The following THEM4 variants were observed in gnomAD, a reference collection of about 807,000 sequenced individuals.
THEM4 encodes thioesterase superfamily member 4.
In THEM4, 22 loss-of-function variants were observed where a neutral mutation model predicts 25.0. That is an observed-to-expected ratio of 0.88 (90% CI 0.63 to 1.26). The LOEUF (loss-of-function observed/expected upper bound fraction) is 1.26, where lower values mean the gene tolerates loss of function less well. Among genes scored for constraint, THEM4 ranks in the 50% most tolerant of loss-of-function variants. The pLI is 0.00. For missense variants in THEM4, 286 were observed against 300.3 expected, an observed-to-expected ratio of 0.95 and a Z score of 0.35; for synonymous variants, 113 against 105.6, an observed-to-expected ratio of 1.07 and a Z score of -0.43.
rs1653578689 is a variant in THEM4, at chr1:151,872,644, T to TA, written c.*2243_*2244insT. The stretch of plus-strand genomic sequence containing the variant: ...ATCTGTAACTTTAGCCCCAACCCTG[T>TA]GCTTACAGAAACATGTGCTGTATGG... On this transcript the variant is annotated 3_prime_UTR_variant, in exon 6 of 6. Coordinates refer to ENST00000368814, the MANE Select transcript of THEM4 (RefSeq NM_053055.5). Among the ~76,000 whole-genome samples, 1 of 152,160 alleles carries TA rather than the reference T, an allele frequency of 6.6e-6. No homozygotes were observed. The highest frequency in any genetic ancestry group is 1.5e-5 in the Non-Finnish European group (1 of 68,018).
chr1:151,897,877 T>C (rs1246160461), intron 1 of THEM4, among the ~76,000 whole-genome samples: 1 of 149,444 alleles, frequency 6.7e-6, no homozygotes, highest in Non-Finnish European at 1.5e-5. Flanking sequence ...TGGAGCTGAG[T>C]CAAGTTAGAG....
At chr1:151,890,366 A>C (rs893674682) in intron 2 of THEM4, 2 of 247,856 alleles carry the variant, frequency 8.1e-6, no homozygotes, top group African/African-American at 4.5e-5. Context: ...CTTCAAAATA[A>C]AGATTGAAAG....
At chr1:151,907,479 G>A (rs934853144) in intron 1 of THEM4, among the ~76,000 whole-genome samples, 6 of 152,240 alleles carry the variant, frequency 3.9e-5, no homozygotes, top group South Asian at 2.1e-4. Context: ...TATGCTTCAC[G>A]CCACTGTAAG....
intron 1 of THEM4, among the ~76,000 whole-genome samples, chr1:151,906,023 C>T (rs955634967): frequency 1.3e-5 from 2 of 152,268 alleles, no homozygotes; most frequent in African/African-American, 2.4e-5. Flanking sequence ...TGCCTGGGCT[C>T]CCACTTTGGC....
At chr1:151,893,484 C>G (rs1467069118) in intron 2 of THEM4, among the ~76,000 whole-genome samples, 1 of 151,500 alleles carries the variant, frequency 6.6e-6, no homozygotes, top group Non-Finnish European at 1.5e-5. Context: ...TGTTTATATG[C>G]TGATACGAAA....
At chr1:151,891,152 T>A (rs1654083813) in intron 2 of THEM4, 1 of 152,232 alleles carries the variant, frequency 6.6e-6, no homozygotes, top group African/African-American at 2.4e-5. Context: ...CTTCTGACCT[T>A]CTGAAGCAGA....
At chr1:151,904,140 C>T (rs545621329) in intron 1 of THEM4, among the ~76,000 whole-genome samples, 27 of 152,126 alleles carry the variant, frequency 1.8e-4, no homozygotes, top group East Asian at 5.8e-4. Context: ...CTGCTCCAAG[C>T]GAAGGCATAG....
chr1:151,895,813 T>C (rs1654209873), intron 1 of THEM4, among the ~76,000 whole-genome samples: 3 of 152,074 alleles, frequency 2.0e-5, no homozygotes, highest in African/African-American at 7.2e-5. Flanking sequence ...GAATTTCTCA[T>C]GGACGGTTTA....
intron 4 of THEM4, among the ~76,000 whole-genome samples, chr1:151,883,206 G>A (rs1308046550): frequency 1.3e-5 from 2 of 151,610 alleles, no homozygotes; most frequent in Non-Finnish European, 2.9e-5. Flanking sequence ...CAACTCTCAG[G>A]TTCAAGCAAT....
At chr1:151,887,464 T>TA (rs1298882592) in intron 4 of THEM4, among the ~76,000 whole-genome samples, 2 of 150,956 alleles carry the variant, frequency 1.3e-5, no homozygotes, top group South Asian at 2.1e-4. Flanking sequence ...AAATTAAAAA[T>TA]AAAAAAATCA....
At chr1:151,885,266 G>A (rs974199043) in intron 4 of THEM4, among the ~76,000 whole-genome samples, 7 of 152,134 alleles carry the variant, frequency 4.6e-5, no homozygotes, top group African/African-American at 1.2e-4. Context: ...TTACAGGCAC[G>A]TGCCACCACA....
intron 5 of THEM4, 108 bp downstream of exon 5, chr1:151,876,893 A>C: frequency 1.5e-6 from 2 of 1,373,772 alleles, no homozygotes; most frequent in Non-Finnish European, 2.0e-6. Flanking sequence ...CCAAACCAAA[A>C]CACCCCCCTG....
At chr1:151,885,366 G>A (rs983729484) in intron 4 of THEM4, among the ~76,000 whole-genome samples, 3 of 150,758 alleles carry the variant, frequency 2.0e-5, no homozygotes, top group Admixed American at 6.6e-5. Context: ...TGATCCACCC[G>A]CCTTGGCCTC....
chr1:151,874,148 C>T lies in THEM4; in HGVS notation c.*740G>A, dbSNP rs1653616028. The T allele has an allele frequency of 6.6e-6, 1 of 152,168 alleles. No homozygotes were observed. Among genetic ancestry groups the T allele is most frequent in the Non-Finnish European group, 1.5e-5 (1 of 68,032 alleles). 9.4% of individuals were successfully genotyped at this position (152,168 alleles called of 1,614,324 possible). A position where few individuals can be genotyped will look rare whatever the true frequency, so the allele number is the denominator to read the frequency against. The stretch of plus-strand genomic sequence containing the variant: ...GATCTGGCTGTGCTTCCTACACTGA[C>T]CAAAAAAGATTCATGTGTTCAGATA... On this transcript the variant is annotated 3_prime_UTR_variant, in exon 6 of 6. Transcript: ENST00000368814.
rs11304399 is a variant in THEM4 at position 151,871,325 on chromosome 1, G to GA, written c.*3562dup. Reference sequence around the variant, plus strand: ...AGGCGACAGAGCCAGACCCTGTCTTGAAAAAAAAAAAAAAAAAAGAAAAAG... The same window carrying GA: ...AGGCGACAGAGCCAGACCCTGTCTTGAAAAAAAAAAAAAAAAAAAGAAAAAG... On this transcript the variant is annotated 3_prime_UTR_variant, in exon 6 of 6. Coordinates refer to ENST00000368814, the MANE Select transcript of THEM4 (RefSeq NM_053055.5). Among the ~76,000 whole-genome samples the GA allele has an allele frequency of 0.027, 3,321 of 123,646 alleles. 148 individuals carry two copies. Among genetic ancestry groups the GA allele is most frequent in the African/African-American group, 0.095 (3,076 of 32,414 alleles). The allele number at this position is 123,646 out of a possible 152,430, so 81.1% of individuals were successfully genotyped here. A position where few individuals can be genotyped will look rare whatever the true frequency, so the allele number is the denominator to read the frequency against.
chr1:151,900,069 G>A (rs1654318476), intron 1 of THEM4, among the ~76,000 whole-genome samples: 1 of 152,090 alleles, frequency 6.6e-6, no homozygotes, highest in African/African-American at 2.4e-5. Context: ...TATCATATAT[G>A]AACGAAAGAT....
chr1:151,894,412 C>G (rs757179958), intron 2 of THEM4, among the ~76,000 whole-genome samples: 5 of 152,114 alleles, frequency 3.3e-5, no homozygotes, highest in South Asian at 4.2e-4. Context: ...GTAACAAATA[C>G]ACCACAGTAA....
Position 151,895,102 on chromosome 1 carries a change from A to C in THEM4, c.192T>G (p.Phe64Leu), listed in dbSNP as rs1654193004. ...NKDLRLLFDQ[F>L]MKKCEDGSWK... Reference sequence around the variant, plus strand: ...AGGAGCCGTCTTCACATTTCTTCATAAACTGGTCAAAGAGCAGTCTTAGGT... The same window carrying C: ...AGGAGCCGTCTTCACATTTCTTCATCAACTGGTCAAAGAGCAGTCTTAGGT... Residue 64 changes from phenylalanine (F) to leucine (L), a missense_variant, in exon 2 of 6, where the codon TTT (phenylalanine) becomes TTG (leucine). Coordinates refer to ENST00000368814, the MANE Select transcript of THEM4 (RefSeq NM_053055.5). 1.2e-6 allele frequency: 2 copies of C among 1,614,002 alleles called. No individual in the cohort carries two copies. The highest frequency in any genetic ancestry group is 1.7e-5 in the Admixed American group (1 of 59,998).
chr1:151,887,911 C>T (rs1015728054), intron 4 of THEM4, among the ~76,000 whole-genome samples: 3 of 152,150 alleles, frequency 2.0e-5, no homozygotes, highest in Non-Finnish European at 4.4e-5. Flanking sequence ...AACACAGAGA[C>T]CCTTAGAAGT....
Sources: allele counts gnomAD v4.1 joint callset (sites outside exome capture counted in the v4.1 genomes callset), GRCh38; gene constraint gnomAD v4.1.1; transcripts MANE v1.5; gene names NCBI Gene and HGNC (gene_info 2026-07-23, HGNC 2026-07-21).